The following TXNDC16 variants were observed in gnomAD, a reference collection of about 807,000 sequenced individuals.
TXNDC16 encodes thioredoxin domain containing 16.
Under a neutral mutation model 85.6 loss-of-function variants are expected in TXNDC16, and 74 were observed. The observed-to-expected ratio is 0.86, with a 90% CI of 0.72 to 1.05. The LOEUF (loss-of-function observed/expected upper bound fraction) is 1.05. Ranked by LOEUF, TXNDC16 falls within the 50% of genes least tolerant of loss-of-function variation. TXNDC16 has a pLI of 0.00. For missense variants in TXNDC16, 959 were observed against 947.0 expected, an observed-to-expected ratio of 1.01 and a Z score of -0.17; for synonymous variants, 335 against 326.5, an observed-to-expected ratio of 1.03 and a Z score of -0.28.
At chr14:52,530,668 A>G (rs1275001986) in intron 6 of TXNDC16, among the ~76,000 whole-genome samples, 1 of 127,340 alleles carries the variant, frequency 7.9e-6, no homozygotes, top group East Asian at 2.1e-4. Flanking sequence ...ATATGTGTAT[A>G]TATGTTACAC....
chr14:52,483,282 T>C (rs953789264), intron 12 of TXNDC16, among the ~76,000 whole-genome samples: 1 of 152,176 alleles, frequency 6.6e-6, no homozygotes, highest in African/African-American at 2.4e-5. Context: ...CTAGGAAAAC[T>C]GGTAAACAAA....
At chr14:52,434,528 A>G (rs2034982620) in intron 20 of TXNDC16, among the ~76,000 whole-genome samples, 1 of 152,252 alleles carries the variant, frequency 6.6e-6, no homozygotes, top group Admixed American at 6.5e-5. Context: ...ACTAAAGCAT[A>G]CAAATATCAG....
At chr14:52,528,109 C>G (rs897280793) in intron 6 of TXNDC16, among the ~76,000 whole-genome samples, 1 of 152,092 alleles carries the variant, frequency 6.6e-6, no homozygotes, top group Non-Finnish European at 1.5e-5. Flanking sequence ...ATTTTACTAA[C>G]TTAATTTTTT....
intron 4 of TXNDC16, among the ~76,000 whole-genome samples, chr14:52,539,097 C>T (rs768503117): frequency 3.9e-5 from 6 of 151,996 alleles, no homozygotes; most frequent in Non-Finnish European, 8.8e-5. Context: ...CAGGTAAGTT[C>T]CAAATAAAAA....
intron 7 of TXNDC16, 96 bp from the exon 8 acceptor site, chr14:52,515,066 T>C (rs1289821328): frequency 1.3e-6 from 1 of 795,836 alleles, no homozygotes; most frequent in Non-Finnish European, 1.9e-6. Flanking sequence ...CACTCCTTTA[T>C]GTTCTACTAT....
At chr14:52,515,613 TTCAAC>T (rs2140187772) in intron 7 of TXNDC16, among the ~76,000 whole-genome samples, 1 of 151,236 alleles carries the variant, frequency 6.6e-6, no homozygotes, top group African/African-American at 2.4e-5. Flanking sequence ...GACAAGCACT[TTCAAC>T]TCATTTCTTC....
intron 2 of TXNDC16, among the ~76,000 whole-genome samples, chr14:52,543,849 A>C (rs922052367): frequency 6.6e-6 from 1 of 152,070 alleles, no homozygotes; most frequent in African/African-American, 2.4e-5. Flanking sequence ...ACTACCTAGA[A>C]AATGCTCAAT....
chr14:52,509,828 A>G (rs1030987855), intron 9 of TXNDC16, among the ~76,000 whole-genome samples: 3 of 151,872 alleles, frequency 2.0e-5, no homozygotes, highest in Non-Finnish European at 4.4e-5. Context: ...AAATACAAAA[A>G]AATTAGCCAG....
chr14:52,454,772 C>G (rs987588234), intron 18 of TXNDC16, among the ~76,000 whole-genome samples: 13 of 151,718 alleles, frequency 8.6e-5, no homozygotes, highest in Admixed American at 7.2e-4. Flanking sequence ...GCTGAGATCA[C>G]AGCAACAGAG....
Position 52,536,733 on chromosome 14 carries a change from G to A in TXNDC16, c.378C>T (p.Val126=), listed in dbSNP as rs951150406. Residue 126 remains valine (V), a synonymous_variant, in exon 6 of 21, where the codon GTC becomes GTT. Coordinates refer to ENST00000281741, the MANE Select transcript of TXNDC16 (RefSeq NM_020784.3). Reference sequence around the variant, plus strand: ...CCTGTACTTACAAGAGAACATGGGCGACAATGGCATTCACATCAAACAAGG... The same window carrying A: ...CCTGTACTTACAAGAGAACATGGGCAACAATGGCATTCACATCAAACAAGG... ...TDTLFDVNAI[V]AHVLFALLFS... is the part of the protein sequence containing the mutation. 4.3e-6 allele frequency: 7 copies of A among 1,610,552 alleles called. No homozygotes were observed. The highest frequency in any genetic ancestry group is 1.3e-5 in the African/African-American group (1 of 74,938).
chr14:52,518,048 C>T (rs1186420823), intron 7 of TXNDC16, among the ~76,000 whole-genome samples: 1 of 152,200 alleles, frequency 6.6e-6, no homozygotes, highest in Non-Finnish European at 1.5e-5. Context: ...CATCATTTAA[C>T]ACAATTGTTC....
chr14:52,491,032 G>GGT (rs2036392138), intron 9 of TXNDC16, 27 bp from the exon 10 acceptor site: 1 of 1,190,984 alleles, frequency 8.4e-7, no homozygotes, highest in Admixed American at 2.6e-5. Context: ...AAAAAAAAAA[G>GGT]GTGTGATAAC....
chr14:52,448,837 AG>A (rs763271736), intron 18 of TXNDC16, among the ~76,000 whole-genome samples: 105 of 152,174 alleles, frequency 6.9e-4, no homozygotes, highest in Non-Finnish European at 5.7e-4. Flanking sequence ...AGTTTTTATT[AG>A]TTTTCCTTTG....
chr14:52,514,263 A>G (rs1053807251), intron 8 of TXNDC16, among the ~76,000 whole-genome samples: 2 of 152,012 alleles, frequency 1.3e-5, no homozygotes, highest in Non-Finnish European at 2.9e-5. Flanking sequence ...TCAGCAGGAG[A>G]GCTCATTAAA....
chr14:52,465,775 T>A (rs1284295444), intron 16 of TXNDC16, among the ~76,000 whole-genome samples: 1 of 152,064 alleles, frequency 6.6e-6, no homozygotes, highest in East Asian at 1.9e-4. Context: ...AGAGTAACGG[T>A]CTAAGTAAAG....
intron 18 of TXNDC16, among the ~76,000 whole-genome samples, chr14:52,443,882 A>C (rs535947410): frequency 6.6e-6 from 1 of 152,312 alleles, no homozygotes; most frequent in African/African-American, 2.4e-5. Context: ...GTTTAGAAGG[A>C]AACTGAGTTC....
chr14:52,435,837 G>C (rs1249599238), intron 20 of TXNDC16, among the ~76,000 whole-genome samples: 1 of 151,974 alleles, frequency 6.6e-6, no homozygotes, highest in Non-Finnish European at 1.5e-5. Flanking sequence ...AATGAAGCCA[G>C]GCTTGGTGGT....
intron 16 of TXNDC16, among the ~76,000 whole-genome samples, chr14:52,458,311 C>A (rs2035579231): frequency 6.6e-6 from 1 of 152,212 alleles, no homozygotes; most frequent in South Asian, 2.1e-4. Context: ...GTAATCCCAG[C>A]ACTTTGGGAG....
chr14:52,531,696 A>G (rs2037584311), intron 6 of TXNDC16, among the ~76,000 whole-genome samples: 2 of 152,168 alleles, frequency 1.3e-5, no homozygotes, highest in African/African-American at 4.8e-5. Flanking sequence ...TTTTGGGGGT[A>G]GTGAATCTAT....
Sources: allele counts gnomAD v4.1 joint callset (sites outside exome capture counted in the v4.1 genomes callset), GRCh38; gene constraint gnomAD v4.1.1; transcripts MANE v1.5; gene names NCBI Gene and HGNC (gene_info 2026-07-23, HGNC 2026-07-21).